Variants in ABHD12 observed in about 807,000 individuals in gnomAD.
ABHD12 encodes abhydrolase domain containing 12, lysophospholipase.
In ABHD12, 43 loss-of-function variants were observed where a neutral mutation model predicts 58.3. That is an observed-to-expected ratio of 0.74 (90% CI 0.58 to 0.95). The LOEUF is 0.95. Among genes scored for constraint, ABHD12 ranks in the 40% least tolerant of loss-of-function variants. ABHD12 has a pLI of 0.00. For synonymous variants in ABHD12, 219 were observed against 211.2 expected (o/e 1.04, Z -0.32); for missense variants, 539 against 537.2 (o/e 1.00, Z -0.03).
At chr20:25,339,820 C>T (rs2089431628) in intron 1 of ABHD12, 2 of 1,181,806 alleles carry the variant, frequency 1.7e-6, no homozygotes, top group South Asian at 3.1e-5. Context: ...ATCAACAGAA[C>T]CTGCCTGACC....
intron 2 of ABHD12, among the ~76,000 whole-genome samples, chr20:25,333,264 T>C (rs562825106): frequency 5.3e-3 from 610 of 116,132 alleles, no homozygotes; most frequent in African/African-American, 0.017. Flanking sequence ...CAGGAAGAAA[T>C]TCAATCTCTG....
At chr20:25,298,441 T>G (rs1245788653), downstream of ABHD12, among the ~76,000 whole-genome samples, 1 of 152,104 alleles carries the variant, frequency 6.6e-6, no homozygotes, top group Non-Finnish European at 1.5e-5. Flanking sequence ...AATTTGTGTA[T>G]TTTTAGTTTT....
intron 2 of ABHD12, among the ~76,000 whole-genome samples, chr20:25,337,611 A>G (rs1440842874): frequency 6.6e-6 from 1 of 152,080 alleles, no homozygotes; most frequent in African/African-American, 2.4e-5. Flanking sequence ...TGCACCCCAC[A>G]CCCTCCCTTC....
At position 25,308,053 on chromosome 20, in the gene ABHD12, A is replaced by G. The variant is rs1429952708; in HGVS notation, c.788-8T>C. ...GGGCATCTGGAGGCGTCTCTAGATA[A>G]ACAAACAGGGAACTGAGAGGTAGGC... is the stretch of plus-strand genomic sequence containing the variant. On this transcript the variant is annotated splice_polypyrimidine_tract_variant and splice_region_variant and intron_variant, in intron 8 of 12. Transcript: ENST00000339157. The G allele has an allele frequency of 4.5e-6, 7 of 1,572,372 alleles. No individual in the cohort carries two copies. The South Asian group carries it at 5.5e-5, about 12-fold the overall frequency.
intron 10 of ABHD12, among the ~76,000 whole-genome samples, chr20:25,303,902 T>C (rs747188618): frequency 6.6e-6 from 1 of 152,260 alleles, no homozygotes. Flanking sequence ...CAGATATATA[T>C]ATTTTTAAGC....
intron 12 of ABHD12, chr20:25,295,044 A>G (rs1415308820): frequency 4.3e-6 from 7 of 1,613,972 alleles, no homozygotes; most frequent in Non-Finnish European, 2.5e-6. Context: ...TGATAAAGGA[A>G]GTGCTTTTAA....
intron 5 of ABHD12, among the ~76,000 whole-genome samples, chr20:25,316,698 G>A (rs2088968468): frequency 6.6e-6 from 1 of 152,162 alleles, no homozygotes; most frequent in Non-Finnish European, 1.5e-5. Context: ...CAACACTTTG[G>A]GAGGCCAAGG....
intron 1 of ABHD12, among the ~76,000 whole-genome samples, chr20:25,351,063 T>A (rs2089594607): frequency 6.6e-6 from 1 of 152,104 alleles, no homozygotes; most frequent in South Asian, 2.1e-4. Context: ...AGCTACTCTC[T>A]CTTAGAGTAT....
At chr20:25,319,041 C>A (rs576267381) in intron 4 of ABHD12, among the ~76,000 whole-genome samples, 2 of 152,340 alleles carry the variant, frequency 1.3e-5, no homozygotes, top group East Asian at 3.9e-4. Flanking sequence ...TTGCCCCCAG[C>A]CCTGACATAC....
downstream of ABHD12, chr20:25,296,683 G>GGGT: frequency 5.4e-6 from 5 of 926,466 alleles, no homozygotes; most frequent in Non-Finnish European, 7.9e-6. Context: ...TGAGAGAGCA[G>GGGT]GGTAAGGAAG....
At chr20:25,296,356 C>T (rs1568702665), downstream of ABHD12, 7 of 1,613,978 alleles carry the variant, frequency 4.3e-6, no homozygotes, top group Admixed American at 3.3e-5. Context: ...CTAATTTCAT[C>T]TCCTTCCCTG....
rs181885706 is a variant in ABHD12 at position 25,373,819 on chromosome 20, T to A, written c.191+16694A>T. Among the ~76,000 whole-genome samples the A allele has an allele frequency of 5.3e-3, 814 of 152,350 alleles. 5 individuals carry two copies. The highest frequency in any genetic ancestry group is 0.01 in the Admixed American group (154 of 15,306). ...GTTTTCACCAAGCTTGTAAAGTTTC[T>A]GGCCACTATTTCTTCAAATATTTTT... On this transcript the variant is annotated intron_variant, in intron 1 of 12. Coordinates refer to ENST00000339157, the MANE Select transcript of ABHD12 (RefSeq NM_001042472.3).
chr20:25,332,461 A>G (rs988035184), intron 2 of ABHD12, among the ~76,000 whole-genome samples: 1 of 123,912 alleles, frequency 8.1e-6, no homozygotes, highest in African/African-American at 2.6e-5. Flanking sequence ...AAGACCTAAT[A>G]GACATCTACA....
chr20:25,297,070 GC>G, downstream of ABHD12: 1 of 160,552 alleles, frequency 6.2e-6, no homozygotes, highest in African/African-American at 2.4e-5. Context: ...ACAGCCCCCT[GC>G]CCCCTGCCCT....
Position 25,367,411 on chromosome 20 carries a change from T to TA in ABHD12, c.191+23101_191+23102insT, listed in dbSNP as rs564306727. ...AATTTTACACATTTTTCCAATTTTT[T>TA]TACACGTAACAAAATTTACCATCAT... On this transcript the variant is annotated intron_variant, in intron 1 of 12. Coordinates refer to ENST00000339157, the MANE Select transcript of ABHD12 (RefSeq NM_001042472.3). Among the ~76,000 whole-genome samples, 182 of 152,358 alleles carry TA rather than the reference T, an allele frequency of 1.2e-3. 1 individual carries two copies. The highest frequency in any genetic ancestry group is 4.2e-3 in the African/African-American group (174 of 41,590).
rs544687980 is a variant in ABHD12 at position 25,364,550 on chromosome 20, T to A, written c.192-25199A>T. Among the ~76,000 whole-genome samples the A allele has an allele frequency of 6.6e-5, 10 of 152,186 alleles. No homozygotes were observed. The East Asian group carries it at 1.7e-3, about 27-fold the overall frequency. The stretch of plus-strand genomic sequence containing the variant: ...GGACCCAGCCATTCATAAGGAATCT[T>A]CCCCCTGGGTGACCCAGACACCTCC... On this transcript the variant is annotated intron_variant, in intron 1 of 12. Coordinates refer to ENST00000339157, the MANE Select transcript of ABHD12 (RefSeq NM_001042472.3).
At chr20:25,386,452 G>A (rs540855521) in intron 1 of ABHD12, among the ~76,000 whole-genome samples, 2 of 151,474 alleles carry the variant, frequency 1.3e-5, no homozygotes, top group Non-Finnish European at 2.9e-5. Context: ...TAGTAGAGAC[G>A]GGGTTTCACC....
chr20:25,372,672 A>G (rs184491132), intron 1 of ABHD12, among the ~76,000 whole-genome samples: 1 of 152,354 alleles, frequency 6.6e-6, no homozygotes, highest in Admixed American at 6.5e-5. Context: ...ATTTCAGCCA[A>G]CAGTGGACCA....
chr20:25,353,149 T>G (rs2089623409), intron 1 of ABHD12, among the ~76,000 whole-genome samples: 1 of 152,180 alleles, frequency 6.6e-6, no homozygotes, highest in African/African-American at 2.4e-5. Context: ...GTTTAAAAAT[T>G]GAATCTCTAA....
Sources: gnomAD v4.1 joint callset for allele counts (sites outside exome capture counted in the v4.1 genomes callset) on GRCh38, gnomAD v4.1.1 for gene constraint, MANE v1.5 for transcripts, NCBI Gene and HGNC (gene_info 2026-07-23, HGNC 2026-07-21) for gene names.